The following TNRC6B variants were observed in gnomAD, a reference collection of about 807,000 sequenced individuals.
TNRC6B encodes trinucleotide repeat containing adaptor 6B.
In TNRC6B, 52 loss-of-function variants were observed where a neutral mutation model predicts 203.6. That is an observed-to-expected ratio of 0.26 (90% CI 0.20 to 0.32). TNRC6B has a LOEUF of 0.32. Ranked by LOEUF, TNRC6B falls within the 10% of genes least tolerant of loss-of-function variation. The pLI is 1.00. For synonymous variants in TNRC6B, 838 were observed against 845.7 expected (o/e 0.99, Z 0.16); for missense variants, 1,923 against 2,286.2 (o/e 0.84, Z 3.24).
At chr22:40,050,708 C>T (rs566227449) in intron 1 of TNRC6B, among the ~76,000 whole-genome samples, 1 of 152,258 alleles carries the variant, frequency 6.6e-6, no homozygotes, top group East Asian at 1.9e-4. Context: ...AGTGTATCTC[C>T]AGAGCCTGGC....
intron 3 of TNRC6B, among the ~76,000 whole-genome samples, chr22:40,259,830 C>T (rs565436878): frequency 6.6e-6 from 1 of 152,346 alleles, no homozygotes; most frequent in East Asian, 1.9e-4. Flanking sequence ...AGCAGTACTA[C>T]CCCCAGAGTT....
chr22:40,096,305 A>G (rs1162219052), intron 1 of TNRC6B, among the ~76,000 whole-genome samples: 1 of 152,208 alleles, frequency 6.6e-6, no homozygotes, highest in East Asian at 1.9e-4. Context: ...ATACCCAGTG[A>G]ATACTAAGAA....
chr22:40,227,392 G>T lies in TNRC6B; in HGVS notation c.6-18623G>T, dbSNP rs187531656. Among the ~76,000 whole-genome samples the T allele has an allele frequency of 4.5e-3, 520 of 116,298 alleles. 2 individuals carry two copies. Among genetic ancestry groups the T allele is most frequent in the Middle Eastern group, 0.015 (2 of 132 alleles). 76.3% of individuals were successfully genotyped at this position (116,298 alleles called of 152,430 possible). ...TTTTTTTTTTTTTTTTTGAGACAGA[G>T]TCTGGCTCTGTTGCCCAGGCTGGAG... On this transcript the variant is annotated intron_variant, in intron 1 of 22. Coordinates refer to ENST00000454349, the MANE Select transcript of TNRC6B (RefSeq NM_001162501.2).
At chr22:40,216,542 G>A (rs951228602) in intron 1 of TNRC6B, among the ~76,000 whole-genome samples, 4 of 152,110 alleles carry the variant, frequency 2.6e-5, no homozygotes, top group Admixed American at 6.5e-5. Context: ...AACCCAGGAC[G>A]CAGAGGTTGT....
intron 3 of TNRC6B, chr22:40,125,962 C>T (rs753577094): frequency 8.4e-5 from 101 of 1,201,248 alleles, no homozygotes; most frequent in Non-Finnish European, 1.1e-4. Flanking sequence ...TGTAAAAATT[C>T]GATTGAGTTA....
At chr22:40,285,606 T>C (rs562033840) in intron 11 of TNRC6B, 39 bp from the exon 12 acceptor site, 5 of 1,594,714 alleles carry the variant, frequency 3.1e-6, no homozygotes, top group African/African-American at 1.4e-5. Flanking sequence ...CATTTTCTTA[T>C]GTTAACAAAA....
chr22:40,225,931 C>T (rs2069779532), intron 1 of TNRC6B, among the ~76,000 whole-genome samples: 1 of 152,032 alleles, frequency 6.6e-6, no homozygotes, highest in Non-Finnish European at 1.5e-5. Context: ...AACTGGGCAT[C>T]CTGTAACTGA....
At chr22:40,067,952 G>C (rs959754153) in intron 1 of TNRC6B, among the ~76,000 whole-genome samples, 5 of 152,118 alleles carry the variant, frequency 3.3e-5, no homozygotes, top group Admixed American at 3.3e-4. Flanking sequence ...CAGTGGATAT[G>C]TTATGTCATT....
At chr22:40,280,317 C>T (rs897965272) in intron 10 of TNRC6B, among the ~76,000 whole-genome samples, 174 bp downstream of exon 10, 18 of 152,196 alleles carry the variant, frequency 1.2e-4, no homozygotes, top group African/African-American at 4.1e-4. Flanking sequence ...AACAGGTGAT[C>T]AGGCAAGAGC....
chr22:40,087,267 C>T (rs1435108259), intron 1 of TNRC6B, among the ~76,000 whole-genome samples: 1 of 152,166 alleles, frequency 6.6e-6, no homozygotes, highest in Middle Eastern at 3.2e-3. Context: ...TATGGGAAGA[C>T]TCTGGAATGT....
chr22:40,091,269 G>C (rs1223337057), intron 1 of TNRC6B, among the ~76,000 whole-genome samples: 2 of 151,960 alleles, frequency 1.3e-5, no homozygotes, highest in Non-Finnish European at 2.9e-5. Context: ...TTTTAAAAAA[G>C]CTATTGGATA....
intron 12 of TNRC6B, among the ~76,000 whole-genome samples, chr22:40,286,616 A>G (rs2070786814): frequency 6.6e-6 from 1 of 152,204 alleles, no homozygotes; most frequent in Admixed American, 6.5e-5. Flanking sequence ...TTTTAGAACT[A>G]ATGAAGTAGC....
At chr22:40,228,883 G>T (rs2069829029) in intron 1 of TNRC6B, among the ~76,000 whole-genome samples, 1 of 152,088 alleles carries the variant, frequency 6.6e-6, no homozygotes, top group South Asian at 2.1e-4. Flanking sequence ...ATTTCAGGCT[G>T]TTGTTAGAAG....
Position 40,197,688 on chromosome 22 carries a change from C to T in TNRC6B, c.5+19548C>T, listed in dbSNP as rs186482323. ...TGCGATTCATAGTTCAGTGCAGCCT[C>T]GACCTTCTGGGCTCAAGCTGAGATC... On this transcript the variant is annotated intron_variant, in intron 1 of 22. Transcript: ENST00000454349. Among the ~76,000 whole-genome samples, 404 of 151,072 alleles carry T rather than the reference C, an allele frequency of 2.7e-3. 4 individuals are homozygous for T. Among genetic ancestry groups the T allele is most frequent in the South Asian group, 4.0e-3 (19 of 4,782 alleles).
intron 1 of TNRC6B, among the ~76,000 whole-genome samples, chr22:40,182,414 C>T (rs2069145855): frequency 6.6e-6 from 1 of 152,176 alleles, no homozygotes; most frequent in Non-Finnish European, 1.5e-5. Flanking sequence ...CGTGGATTTA[C>T]TCTAATCCCA....
At chr22:40,052,648 T>C (rs917236643) in intron 1 of TNRC6B, among the ~76,000 whole-genome samples, 3 of 151,906 alleles carry the variant, frequency 2.0e-5, no homozygotes, top group African/African-American at 4.8e-5. Context: ...GAGGTCTCAC[T>C]ATGTTGCCCA....
intron 1 of TNRC6B, among the ~76,000 whole-genome samples, chr22:40,065,415 C>G (rs5995802): frequency 0.81 from 122,734 of 152,144 alleles, 50,472 homozygotes; most frequent in African/African-American, 0.95. Context: ...CAAATCGTTA[C>G]AACTACAGCC....
intron 1 of TNRC6B, among the ~76,000 whole-genome samples, chr22:40,237,053 T>G (rs1340614399): frequency 6.6e-6 from 1 of 152,098 alleles, no homozygotes; most frequent in African/African-American, 2.4e-5. Context: ...TAATCCCAGC[T>G]ACTCGGGAGG....
At chr22:40,127,131 A>C (rs2068500569) in intron 3 of TNRC6B, among the ~76,000 whole-genome samples, 1 of 151,782 alleles carries the variant, frequency 6.6e-6, no homozygotes, top group African/African-American at 2.4e-5. Context: ...GCTGCTTCTT[A>C]ACATAGTTAC....
Sources: allele counts gnomAD v4.1 joint callset (sites outside exome capture counted in the v4.1 genomes callset), GRCh38; gene constraint gnomAD v4.1.1; transcripts MANE v1.5; gene names NCBI Gene and HGNC (gene_info 2026-07-23, HGNC 2026-07-21).